LHCGR: variants seen among roughly 807,000 people sequenced by gnomAD.
LHCGR encodes luteinizing hormone/choriogonadotropin receptor, also known as lutropin-choriogonadotropic hormone receptor.
In LHCGR, 55 loss-of-function variants were observed where a neutral mutation model predicts 60.7. The observed-to-expected ratio is 0.91, with a 90% CI of 0.73 to 1.13. The LOEUF (loss-of-function observed/expected upper bound fraction) is 1.13. Ranked by LOEUF, LHCGR falls within the 50% of genes most tolerant of loss-of-function variation. The pLI is 0.00. For synonymous variants in LHCGR, 337 were observed against 316.5 expected (o/e 1.06, Z -0.69); for missense variants, 862 against 836.0 (o/e 1.03, Z -0.38).
chr2:48,726,106 G>A (rs1022333408), intron 3 of LHCGR, among the ~76,000 whole-genome samples: 25 of 152,124 alleles, frequency 1.6e-4, no homozygotes, highest in African/African-American at 6.0e-4. Context: ...TACACTGAGG[G>A]TGATGAGAGA....
intron 1 of LHCGR, among the ~76,000 whole-genome samples, chr2:48,737,741 CTT>C (rs957251140): frequency 6.6e-6 from 1 of 152,180 alleles, no homozygotes; most frequent in Admixed American, 6.5e-5. Context: ...CACCAGAAAA[CTT>C]TGGAACAGTC....
intron 1 of LHCGR, among the ~76,000 whole-genome samples, chr2:48,753,745 G>A (rs1670084220): frequency 6.6e-6 from 1 of 152,090 alleles, no homozygotes; most frequent in Non-Finnish European, 1.5e-5. Context: ...CTGGGACTTG[G>A]CCCACCCATT....
At chr2:48,725,229 A>C in intron 4 of LHCGR, among the ~76,000 whole-genome samples, 1 of 152,236 alleles carries the variant, frequency 6.6e-6, no homozygotes, top group East Asian at 1.9e-4. Context: ...ATACTTAAAA[A>C]GTTTTCATTT....
intron 6 of LHCGR, among the ~76,000 whole-genome samples, chr2:48,714,382 A>C (rs1331023773): frequency 6.6e-6 from 1 of 152,182 alleles, no homozygotes; most frequent in Non-Finnish European, 1.5e-5. Flanking sequence ...AGAGATGTTT[A>C]ACACTTAAGC....
intron 1 of LHCGR, among the ~76,000 whole-genome samples, chr2:48,749,859 GT>G (rs1419209169): frequency 1.3e-5 from 2 of 152,134 alleles, no homozygotes; most frequent in East Asian, 3.9e-4. Context: ...TCTGTTGCTT[GT>G]TTTTTAGTGT....
intron 1 of LHCGR, among the ~76,000 whole-genome samples, chr2:48,747,583 TG>T (rs1669765402): frequency 1.3e-5 from 2 of 152,218 alleles, no homozygotes; most frequent in South Asian, 2.1e-4. Flanking sequence ...TGGGTGTGCT[TG>T]GGTCAGTCAG....
chr2:48,743,319 G>C (rs1348152244), intron 1 of LHCGR, among the ~76,000 whole-genome samples: 20 of 152,152 alleles, frequency 1.3e-4, no homozygotes, highest in African/African-American at 4.6e-4. Context: ...TAGAAAAAGA[G>C]GGAATCCTCC....
rs145135661 is a variant in LHCGR, at chr2:48,746,580, C to A, written c.161+8931G>T. On this transcript the variant is annotated intron_variant, in intron 1 of 10. Coordinates refer to ENST00000294954, the MANE Select transcript of LHCGR (RefSeq NM_000233.4). ...CCTCTAAGACAGCCATTCCGCAGCA[C>A]CCAAGATGGTGTGAGGAGTTTATGT... is the stretch of plus-strand genomic sequence containing the variant. Among the ~76,000 whole-genome samples, 26 of 152,278 alleles carry A rather than the reference C, an allele frequency of 1.7e-4. No individual in the cohort carries two copies. The East Asian group carries it at 4.6e-3, about 27-fold the overall frequency.
Position 48,729,184 on chromosome 2 carries a change from C to T in LHCGR, c.277G>A (p.Ala93Thr). 6.2e-7 allele frequency: 1 copy of T among 1,612,274 alleles called. No individual in the cohort carries two copies. Among genetic ancestry groups the T allele is most frequent in the Non-Finnish European group, 8.5e-7 (1 of 1,179,014 alleles). ...IDSLERIEAN[A>T]FDNLLNLSEI... ...GACAAATTGAGGAGGTTGTCAAAGG[C>T]ATTAGCTTCTATCCTTTCCAGGGAA... Residue 93 changes from alanine to threonine, a missense_variant, in exon 3 of 11, where the codon GCC (alanine) becomes ACC (threonine). By Grantham distance (58) the Ala-to-Thr change is moderately conservative. Transcript: ENST00000294954.
chr2:48,698,291 T>C (rs1457662020), intron 9 of LHCGR, among the ~76,000 whole-genome samples: 2 of 152,242 alleles, frequency 1.3e-5, no homozygotes, highest in Non-Finnish European at 2.9e-5. Flanking sequence ...AATGATGCTC[T>C]CTGATAAGGA....
Position 48,708,034 on chromosome 2 carries a change from C to T in LHCGR, c.680+914G>A, listed in dbSNP as rs150064078. On this transcript the variant is annotated intron_variant, in intron 8 of 10. Transcript: ENST00000294954. ...CAGCTGGCCCTCTGTGGGCTGTACC[C>T]ACTGTCCAGCCAGTCCCAATGAGAT... 5.9e-3 allele frequency among the ~76,000 whole-genome samples: 899 copies of T among 152,328 alleles called. 2 individuals carry two copies. The highest frequency in any genetic ancestry group is 9.8e-3 in the Non-Finnish European group (669 of 68,022).
chr2:48,725,887 G>C, intron 3 of LHCGR, 137 bp from the exon 4 acceptor site: 13 of 700,560 alleles, frequency 1.9e-5, no homozygotes, highest in Non-Finnish European at 5.2e-6. Context: ...TGCTTGGGAG[G>C]ACCCCTAGCG....
intron 1 of LHCGR, among the ~76,000 whole-genome samples, chr2:48,731,908 A>T (rs182191129): frequency 6.6e-6 from 1 of 152,198 alleles, no homozygotes; most frequent in African/African-American, 2.4e-5. Flanking sequence ...CTATTTCAAT[A>T]TTATTCCAAA....
chr2:48,746,871 G>T (rs570332888), intron 1 of LHCGR, among the ~76,000 whole-genome samples: 13 of 152,236 alleles, frequency 8.5e-5, no homozygotes, highest in Middle Eastern at 3.4e-3. Context: ...GTTCTCCCTG[G>T]GGAATGTCTG....
intron 1 of LHCGR, among the ~76,000 whole-genome samples, chr2:48,737,524 G>T (rs545086088): frequency 1.1e-4 from 17 of 152,114 alleles, no homozygotes; most frequent in Non-Finnish European, 1.9e-4. Flanking sequence ...TTTCATCTTA[G>T]AATAAAATAA....
At chr2:48,695,392 T>A (rs1210607888) in intron 9 of LHCGR, among the ~76,000 whole-genome samples, 1 of 152,180 alleles carries the variant, frequency 6.6e-6, no homozygotes, top group Non-Finnish European at 1.5e-5. Context: ...GAAGGGTATT[T>A]CCTAGGTTTT....
chr2:48,698,007 A>G (rs1305382175), intron 9 of LHCGR, among the ~76,000 whole-genome samples: 1 of 152,150 alleles, frequency 6.6e-6, no homozygotes, highest in African/African-American at 2.4e-5. Context: ...TGCTCTGAGG[A>G]AAGAACGAAA....
At chr2:48,750,409 T>C (rs1031020953) in intron 1 of LHCGR, among the ~76,000 whole-genome samples, 2 of 152,224 alleles carry the variant, frequency 1.3e-5, no homozygotes, top group African/African-American at 4.8e-5. Context: ...TATACTGATA[T>C]AGGTAAGCTT....
intron 1 of LHCGR, among the ~76,000 whole-genome samples, chr2:48,741,359 C>T (rs1316816733): frequency 1.3e-5 from 2 of 152,032 alleles, no homozygotes; most frequent in Non-Finnish European, 2.9e-5. Flanking sequence ...AGATACTCCT[C>T]GAGAAGAGCA....
Sources: gnomAD v4.1 joint callset for allele counts (sites outside exome capture counted in the v4.1 genomes callset) on GRCh38, gnomAD v4.1.1 for gene constraint, MANE v1.5 for transcripts, NCBI Gene and HGNC (gene_info 2026-07-23, HGNC 2026-07-21) for gene names.